B4GALT5: variants seen among roughly 807,000 people sequenced by gnomAD.
B4GALT5 encodes beta-1,4-galactosyltransferase 5, also known as UDP-Gal:beta-GlcNAc beta-1,4-galactosyltransferase 5.
In B4GALT5, 11 loss-of-function variants were observed where a neutral mutation model predicts 45.0. The observed-to-expected ratio is 0.24, with a 90% CI of 0.15 to 0.40. The LOEUF is 0.40. Among genes scored for constraint, B4GALT5 ranks in the 10% least tolerant of loss-of-function variants. The pLI, the probability that B4GALT5 is intolerant of heterozygous loss-of-function variation, is 1.00. For synonymous variants in B4GALT5, 185 were observed against 182.9 expected, an observed-to-expected ratio of 1.01 and a Z score of -0.09; for missense variants, 337 against 500.2, an observed-to-expected ratio of 0.67 and a Z score of 3.11.
At chr20:49,663,027 C>A (rs938021359) in intron 1 of B4GALT5, among the ~76,000 whole-genome samples, 1 of 152,198 alleles carries the variant, frequency 6.6e-6, no homozygotes, top group Non-Finnish European at 1.5e-5. Flanking sequence ...TATACAGCAA[C>A]AGGAATAAAT....
intron 1 of B4GALT5, among the ~76,000 whole-genome samples, chr20:49,695,697 G>A (rs1183655442): frequency 3.9e-5 from 6 of 152,180 alleles, no homozygotes; most frequent in South Asian, 4.1e-4. Flanking sequence ...CACCGGGCCC[G>A]GCCAGTGTGG....
At chr20:49,656,450 C>A in intron 2 of B4GALT5, 118 bp downstream of exon 2, 1 of 1,342,052 alleles carries the variant, frequency 7.5e-7, no homozygotes, top group South Asian at 1.4e-5. Flanking sequence ...TAAAGTAAAA[C>A]TCAGCCAAAT....
At chr20:49,704,302 G>C (rs1031183608) in intron 1 of B4GALT5, among the ~76,000 whole-genome samples, 1 of 152,172 alleles carries the variant, frequency 6.6e-6, no homozygotes, top group African/African-American at 2.4e-5. Context: ...ATACTTTTAG[G>C]ACTACTTGGG....
At chr20:49,671,808 C>A (rs1307067898) in intron 1 of B4GALT5, among the ~76,000 whole-genome samples, 4 of 152,056 alleles carry the variant, frequency 2.6e-5, no homozygotes, top group Non-Finnish European at 5.9e-5. Flanking sequence ...TTTATGAGCA[C>A]CCTTTAGGAA....
chr20:49,707,424 T>G (rs1568736979), intron 1 of B4GALT5, among the ~76,000 whole-genome samples: 1 of 151,990 alleles, frequency 6.6e-6, no homozygotes, highest in Non-Finnish European at 1.5e-5. Context: ...TGAAGTGAAG[T>G]AACCCATATT....
At chr20:49,652,821 C>T (rs1016755536) in intron 2 of B4GALT5, among the ~76,000 whole-genome samples, 12 of 152,178 alleles carry the variant, frequency 7.9e-5, no homozygotes, top group Non-Finnish European at 1.6e-4. Flanking sequence ...ATGCAGATGC[C>T]TGAATGTGGG....
At chr20:49,698,615 C>A (rs940772737) in intron 1 of B4GALT5, among the ~76,000 whole-genome samples, 1 of 151,990 alleles carries the variant, frequency 6.6e-6, no homozygotes, top group Non-Finnish European at 1.5e-5. Flanking sequence ...CGCATTCACA[C>A]ACACACACAA....
rs1984444272 is a variant in B4GALT5, at chr20:49,634,047, A to G, written c.*2265T>C. Reference sequence around the variant, plus strand: ...TTCACTTGTGAAGGTATTTTAAAGCATGAAATGCTTAAGTCTTAAAAAACA... The same window carrying G: ...TTCACTTGTGAAGGTATTTTAAAGCGTGAAATGCTTAAGTCTTAAAAAACA... On this transcript the variant is annotated 3_prime_UTR_variant, in exon 9 of 9. Coordinates refer to ENST00000371711, the MANE Select transcript of B4GALT5 (RefSeq NM_004776.4). The G allele has an allele frequency of 6.6e-6, 1 of 152,662 alleles. No individual in the cohort carries two copies. The highest frequency in any genetic ancestry group is 6.5e-5 in the Admixed American group (1 of 15,276). The allele number at this position is 152,662 out of a possible 1,614,324, so 9.5% of individuals were successfully genotyped here.
intron 8 of B4GALT5, 39 bp from the exon 9 acceptor site, chr20:49,636,498 G>A: frequency 6.2e-7 from 1 of 1,608,544 alleles, no homozygotes; most frequent in East Asian, 2.2e-5. Context: ...GGCTCTGAGT[G>A]AGGATCCATG....
intron 1 of B4GALT5, among the ~76,000 whole-genome samples, chr20:49,667,617 C>T (rs1313443029): frequency 6.6e-6 from 1 of 152,110 alleles, no homozygotes; most frequent in African/African-American, 2.4e-5. Flanking sequence ...ACGATCATGG[C>T]TCACTGCAGT....
At chr20:49,666,546 A>G (rs539949042) in intron 1 of B4GALT5, among the ~76,000 whole-genome samples, 5 of 152,346 alleles carry the variant, frequency 3.3e-5, no homozygotes, top group Admixed American at 3.3e-4. Flanking sequence ...TGCTTTTGGC[A>G]TAAAGAACAG....
chr20:49,688,124 A>G (rs769024767), intron 1 of B4GALT5, among the ~76,000 whole-genome samples: 34 of 152,190 alleles, frequency 2.2e-4, no homozygotes, highest in Non-Finnish European at 4.3e-4. Context: ...AGCAGAGCTC[A>G]TGGTAATGTC....
chr20:49,640,483 C>G lies in B4GALT5; in HGVS notation c.789G>C (p.Met263Ile), dbSNP rs190757719. 2 of 1,605,320 alleles carry G rather than the reference C, an allele frequency of 1.2e-6. No individual in the cohort carries two copies. Among genetic ancestry groups the G allele is most frequent in the Admixed American group, 3.4e-5 (2 of 58,658 alleles). The change falls in exon 6 of 9, where the codon ATG becomes ATC. Residue 263 changes from methionine (M) to isoleucine (I), a missense_variant. Physicochemically the swap from Met to Ile is conservative, Grantham distance 10. Around this residue, in one of 2 missense-constraint regions of B4GALT5, gnomAD observed 163 missense variants for 292.8 expected, o/e 0.56. Coordinates refer to ENST00000371711, the MANE Select transcript of B4GALT5 (RefSeq NM_004776.4). ...RHFATKLDKY[M>I]YLLPYTEFFG... Reference sequence around the variant, plus strand: ...TAAGAAGAAATGATACTCACAGATACATATACTTATCCAATTTGGTTGCAA... The same window carrying G: ...TAAGAAGAAATGATACTCACAGATAGATATACTTATCCAATTTGGTTGCAA...
At position 49,698,985 on chromosome 20, in the gene B4GALT5, C is replaced by CA. The variant is rs1281386441; in HGVS notation, c.115+14590dup. Among the ~76,000 whole-genome samples the CA allele has an allele frequency of 2.0e-5, 3 of 152,004 alleles. No homozygotes were observed. The East Asian group carries it at 5.8e-4, about 29-fold the overall frequency. ...ATGAAACAATTTATCGTAGCCTAAG[C>CA]AAAAACCACCTATCAAAGCAAAGAC... On this transcript the variant is annotated intron_variant, in intron 1 of 8. Coordinates refer to ENST00000371711, the MANE Select transcript of B4GALT5 (RefSeq NM_004776.4).
intron 1 of B4GALT5, among the ~76,000 whole-genome samples, chr20:49,699,167 G>A (rs1425045413): frequency 6.6e-6 from 1 of 151,836 alleles, no homozygotes; most frequent in Admixed American, 6.6e-5. Context: ...AGAATGTACT[G>A]GGGTAGATGA....
intron 2 of B4GALT5, among the ~76,000 whole-genome samples, chr20:49,650,550 T>C (rs2085617978): frequency 6.6e-6 from 1 of 150,634 alleles, no homozygotes; most frequent in East Asian, 1.9e-4. Context: ...GGAAGGAGAA[T>C]CGCTTGAACC....
Position 49,636,010 on chromosome 20 carries a change from G to A in B4GALT5, c.*302C>T, listed in dbSNP as rs1384680178. 8.3e-6 allele frequency: 3 copies of A among 361,868 alleles called. No homozygotes were observed. The highest frequency in any genetic ancestry group is 1.3e-4 in the East Asian group (2 of 15,286). The allele number at this position is 361,868 out of a possible 1,614,324, so 22.4% of individuals were successfully genotyped here. ...GTTCATCATGGGTTCTGGAGACTGCGGCTAAGACAGGATGTGGGGTAGGAG... is the reference window on the plus strand; with the variant it reads ...GTTCATCATGGGTTCTGGAGACTGCAGCTAAGACAGGATGTGGGGTAGGAG... On this transcript the variant is annotated 3_prime_UTR_variant, in exon 9 of 9. Transcript: ENST00000371711.
Position 49,706,156 on chromosome 20 carries a change from T to C in B4GALT5, c.115+7420A>G, listed in dbSNP as rs576312155. On this transcript the variant is annotated intron_variant, in intron 1 of 8. Coordinates refer to ENST00000371711, the MANE Select transcript of B4GALT5 (RefSeq NM_004776.4). ...GTTGCAGTGAGCCAAGATCGCACCA[T>C]AGAACTCCAGTCTGGGCAACAAGAG... Among the ~76,000 whole-genome samples, 45 of 141,542 alleles carry C rather than the reference T, an allele frequency of 3.2e-4. 1 individual carries two copies. In the South Asian group the frequency reaches 8.2e-3, roughly 26 times the overall value. 92.9% of individuals were successfully genotyped at this position (141,542 alleles called of 152,430 possible).
At chr20:49,677,335 C>T (rs1201047928) in intron 1 of B4GALT5, among the ~76,000 whole-genome samples, 3 of 152,150 alleles carry the variant, frequency 2.0e-5, no homozygotes, top group Admixed American at 6.5e-5. Flanking sequence ...ACCAACCACC[C>T]TCTGCACACC....
Sources: allele counts gnomAD v4.1 joint callset (sites outside exome capture counted in the v4.1 genomes callset), GRCh38; gene constraint gnomAD v4.1.1; regional missense constraint gnomAD v4.1.1; transcripts MANE v1.5; gene names NCBI Gene and HGNC (gene_info 2026-07-23, HGNC 2026-07-21).